TPO: variants seen among roughly 807,000 people sequenced by gnomAD.
The protein encoded by TPO is thyroid microsomal antigen.
In TPO, 78 loss-of-function variants were observed where a neutral mutation model predicts 96.9. That is an observed-to-expected ratio of 0.81 (90% CI 0.67 to 0.97). TPO has a LOEUF of 0.97. TPO is among the 50% of genes least tolerant of loss of function. The pLI is 0.00. For synonymous variants in TPO, 547 were observed against 538.0 expected, an observed-to-expected ratio of 1.02 and a Z score of -0.23; for missense variants, 1,252 against 1,274.8, an observed-to-expected ratio of 0.98 and a Z score of 0.27.
chr2:1,395,028 G>A (rs995718628), intron 1 of TPO, among the ~76,000 whole-genome samples: 3 of 105,094 alleles, frequency 2.9e-5, no homozygotes, highest in African/African-American at 1.9e-4. Context: ...AGTTTTCTAG[G>A]ATGAAAAAAA....
At chr2:1,405,894 G>A (rs1295226354) in intron 1 of TPO, among the ~76,000 whole-genome samples, 1 of 152,210 alleles carries the variant, frequency 6.6e-6, no homozygotes, top group African/African-American at 2.4e-5. Context: ...CGATATTCTA[G>A]ATTAGGCTTC....
chr2:1,424,125 C>T (rs900486851), intron 3 of TPO, among the ~76,000 whole-genome samples: 1 of 152,166 alleles, frequency 6.6e-6, no homozygotes, highest in Non-Finnish European at 1.5e-5. Context: ...GGCTGGGGCA[C>T]AGCTTGCTTT....
intron 14 of TPO, 39 bp downstream of exon 14, chr2:1,504,118 G>A (rs746744651): frequency 1.7e-5 from 27 of 1,612,396 alleles, no homozygotes; most frequent in Admixed American, 3.3e-5. Flanking sequence ...GTCCATTTGC[G>A]AGTTTTTGTA....
intron 14 of TPO, among the ~76,000 whole-genome samples, chr2:1,506,820 C>T (rs1484660944): frequency 6.6e-6 from 1 of 152,124 alleles, no homozygotes; most frequent in Admixed American, 6.5e-5. Context: ...AAAATTTTCT[C>T]CCATTCTGTA....
chr2:1,461,663 C>G (rs560259370), intron 7 of TPO, among the ~76,000 whole-genome samples: 3 of 152,258 alleles, frequency 2.0e-5, no homozygotes, highest in South Asian at 2.1e-4. Context: ...CACCTGTGTG[C>G]ACGCCCTTGT....
rs558970290 is a variant in TPO, at chr2:1,534,271, C to G, written c.2619-6323C>G. Among the ~76,000 whole-genome samples the G allele has an allele frequency of 9.6e-5, 13 of 135,832 alleles. 3 individuals are homozygous for G. Among genetic ancestry groups the G allele is most frequent in the Non-Finnish European group, 1.7e-4 (11 of 63,988 alleles). 89.1% of individuals were successfully genotyped at this position (135,832 alleles called of 152,430 possible). Reference sequence around the variant, plus strand: ...ACTCAGAGCAACCTTCTCAAATCCCCCCAATATGAGCAACCTCCTCACATC... The same window carrying G: ...ACTCAGAGCAACCTTCTCAAATCCCGCCAATATGAGCAACCTCCTCACATC... On this transcript the variant is annotated intron_variant, in intron 15 of 16. Coordinates refer to ENST00000329066, the MANE Select transcript of TPO (RefSeq NM_001206744.2).
chr2:1,463,076 TA>T (rs1668592688), intron 7 of TPO, among the ~76,000 whole-genome samples: 3 of 152,290 alleles, frequency 2.0e-5, no homozygotes, highest in African/African-American at 7.2e-5. Flanking sequence ...ATTTTAAAAA[TA>T]AAAGGCAAGA....
chr2:1,523,673 ACCCCACTGTGTGCAGCCTCCCCAAATCCC>A (rs1414396841), intron 15 of TPO, among the ~76,000 whole-genome samples: 5 of 18,600 alleles, frequency 2.7e-4, no homozygotes, highest in African/African-American at 1.1e-3. Flanking sequence ...TCCTCGAATC[ACCCCACTGTGTGCAGCCTCCCCAAATCCC>A]CCCCACTGTG....
chr2:1,422,334 T>TGGACAGAC, intron 2 of TPO, among the ~76,000 whole-genome samples: 1 of 63,956 alleles, frequency 1.6e-5, no homozygotes, highest in South Asian at 4.2e-4. Flanking sequence ...TGCAGGCGCC[T>TGGACAGAC]CTCCTGGACC....
chr2:1,536,836 T>C (rs1002755651), intron 15 of TPO, among the ~76,000 whole-genome samples: 1 of 35,330 alleles, frequency 2.8e-5, no homozygotes, highest in African/African-American at 1.0e-4. Flanking sequence ...GTGTGCAACC[T>C]CCCCAAATCC....
chr2:1,521,324 C>CG (rs1456327422), intron 15 of TPO, among the ~76,000 whole-genome samples: 1 of 152,112 alleles, frequency 6.6e-6, no homozygotes, highest in East Asian at 1.9e-4. Flanking sequence ...AGGCACGTCA[C>CG]GGGGGGTTCC....
intron 3 of TPO, among the ~76,000 whole-genome samples, chr2:1,425,750 T>C (rs533830589): frequency 3.3e-5 from 5 of 152,320 alleles, no homozygotes; most frequent in African/African-American, 1.2e-4. Context: ...TGTAAAGTCA[T>C]TGTTCTAGAT....
intron 1 of TPO, among the ~76,000 whole-genome samples, chr2:1,394,358 C>T (rs934984611): frequency 1.3e-5 from 2 of 152,222 alleles, no homozygotes. Context: ...GAGGGTACAT[C>T]ATCGGGCTTC....
rs200684166 is a variant in TPO, at chr2:1,496,685, G to A, written c.2306G>A (p.Arg769Gln). The A allele has an allele frequency of 2.4e-4, 384 of 1,614,020 alleles. No individual in the cohort carries two copies. The highest frequency in any genetic ancestry group is 5.0e-4 in the Middle Eastern group (3 of 5,998). The change falls in exon 13 of 17, where the codon CGG becomes CAG. Residue 769 changes from arginine (R) to glutamine (Q), a missense_variant. By Grantham distance (43) the Arg-to-Gln change is conservative (BLOSUM62 1). Coordinates refer to ENST00000329066, the MANE Select transcript of TPO (RefSeq NM_001206744.2). The stretch of plus-strand genomic sequence containing the variant: ...AGGCGCGTGCTGGTGTATTCCTGCC[G>A]GCACGGGTATGAGCTCCAAGGCCGG... ...SGRRVLVYSC[R>Q]HGYELQGREQ...
intron 2 of TPO, among the ~76,000 whole-genome samples, chr2:1,418,442 T>C (rs1663168771): frequency 1.3e-5 from 2 of 152,154 alleles, no homozygotes; most frequent in Non-Finnish European, 2.9e-5. Context: ...GGAGAGACTC[T>C]TGTTCCAGAG....
chr2:1,532,562 C>A lies in TPO; in HGVS notation c.2619-8032C>A, dbSNP rs1374828489. Among the ~76,000 whole-genome samples, 199 of 122,470 alleles carry A rather than the reference C, an allele frequency of 1.6e-3. 3 individuals carry two copies. The highest frequency in any genetic ancestry group is 5.8e-3 in the African/African-American group (182 of 31,120). The allele number at this position is 122,470 out of a possible 152,430, so 80.3% of individuals were successfully genotyped here. A position where few individuals can be genotyped will look rare whatever the true frequency, so the allele number is the denominator to read the frequency against. ...CCCACTGTCAGCAACCTCCTCAAATCCCCCCAACTGTGTGCGACCTCCCCA... is the reference window on the plus strand; with the variant it reads ...CCCACTGTCAGCAACCTCCTCAAATACCCCCAACTGTGTGCGACCTCCCCA... On this transcript the variant is annotated intron_variant, in intron 15 of 16. Transcript: ENST00000329066.
rs763941231 is a variant in TPO, at chr2:1,477,447, A to ACGGC, written c.1184_1187dup (p.Ala397ProfsTer76). 6.7e-4 allele frequency: 1,022 copies of ACGGC among 1,523,226 alleles called. No individual in the cohort carries two copies. The highest frequency in any genetic ancestry group is 7.4e-4 in the Non-Finnish European group (848 of 1,140,012). The allele number at this position is 1,523,226 out of a possible 1,614,324, so 94.4% of individuals were successfully genotyped here. A position where few individuals can be genotyped will look rare whatever the true frequency, so the allele number is the denominator to read the frequency against. Reference sequence around the variant, plus strand: ...CGCGGGCCCTGCTTCCTGGCCGGAGACGGCCGCGCCAGCGAGGTCCCCTCC... The same window carrying ACGGC: ...CGCGGGCCCTGCTTCCTGGCCGGAGACGGCCGGCCGCGCCAGCGAGGTCCCCTCC... On this transcript the variant is annotated frameshift_variant, in exon 8 of 17. Transcript: ENST00000329066. LOFTEE classifies it high-confidence loss of function.
At chr2:1,483,976 A>G (rs1324527701) in intron 8 of TPO, among the ~76,000 whole-genome samples, 4 of 152,244 alleles carry the variant, frequency 2.6e-5, no homozygotes, top group Non-Finnish European at 5.9e-5. Context: ...TATTCCTATT[A>G]TGCTTCATTT....
At chr2:1,476,714 A>C (rs923401396) in intron 7 of TPO, among the ~76,000 whole-genome samples, 1 of 152,172 alleles carries the variant, frequency 6.6e-6, no homozygotes, top group African/African-American at 2.4e-5. Flanking sequence ...GTGGACTCCT[A>C]GGATGTGGGG....
Sources: allele counts gnomAD v4.1 joint callset (sites outside exome capture counted in the v4.1 genomes callset), GRCh38; gene constraint gnomAD v4.1.1; transcripts MANE v1.5; gene names NCBI Gene and HGNC (gene_info 2026-07-23, HGNC 2026-07-21).